CSMD1: variants seen among roughly 807,000 people sequenced by gnomAD.
The protein encoded by CSMD1 is CUB and sushi domain-containing protein 1.
Under a neutral mutation model 417.5 loss-of-function variants are expected in CSMD1, and 213 were observed. The ratio of observed to expected loss-of-function variants is 0.51; its 90% confidence interval spans 0.46 to 0.57. CSMD1 has a LOEUF of 0.57. CSMD1 is among the 20% of genes least tolerant of loss of function. The pLI, the probability that CSMD1 is intolerant of heterozygous loss-of-function variation, is 0.00. For missense variants in CSMD1, 6,923 were observed against 4,529.7 expected, an observed-to-expected ratio of 1.53 and a Z score of -15.17; for synonymous variants, 2,862 against 1,736.8, an observed-to-expected ratio of 1.65 and a Z score of -16.11.
intron 1 of CSMD1, among the ~76,000 whole-genome samples, chr8:4,800,803 G>C (rs757517263): frequency 6.6e-6 from 1 of 152,216 alleles, no homozygotes; most frequent in Non-Finnish European, 1.5e-5. Flanking sequence ...TCGGGACCTG[G>C]GGAGGGCACC....
intron 26 of CSMD1, among the ~76,000 whole-genome samples, chr8:3,241,870 A>C (rs1366329120): frequency 6.6e-6 from 1 of 151,952 alleles, no homozygotes; most frequent in Admixed American, 6.6e-5. Context: ...GACGTTAATT[A>C]AGTCCTGTTG....
intron 26 of CSMD1, among the ~76,000 whole-genome samples, chr8:3,252,210 G>A (rs906374951): frequency 6.6e-6 from 1 of 152,096 alleles, no homozygotes; most frequent in Admixed American, 6.5e-5. Flanking sequence ...GTCATAGATA[G>A]CTCTTATTAT....
At chr8:3,202,477 A>G (rs1221619706) in intron 31 of CSMD1, among the ~76,000 whole-genome samples, 1 of 152,198 alleles carries the variant, frequency 6.6e-6, no homozygotes, top group African/African-American at 2.4e-5. Context: ...ACATAACTAC[A>G]TGCTTTGTGA....
chr8:4,012,062 G>T (rs549673796), intron 4 of CSMD1, among the ~76,000 whole-genome samples: 4 of 152,058 alleles, frequency 2.6e-5, no homozygotes, highest in Non-Finnish European at 4.4e-5. Context: ...TACAGATGCA[G>T]CCATCATATG....
chr8:3,228,456 G>C (rs576922185), intron 27 of CSMD1, among the ~76,000 whole-genome samples: 1 of 152,228 alleles, frequency 6.6e-6, no homozygotes, highest in South Asian at 2.1e-4. Context: ...GCATGTAGGC[G>C]GGTCTGGTTG....
chr8:3,949,354 C>A (rs1305917629), intron 5 of CSMD1, among the ~76,000 whole-genome samples: 1 of 152,150 alleles, frequency 6.6e-6, no homozygotes, highest in Non-Finnish European at 1.5e-5. Context: ...CTCCCCAACA[C>A]CTCAATCTCA....
intron 3 of CSMD1, among the ~76,000 whole-genome samples, chr8:4,106,743 AAC>A (rs1193035460): frequency 6.6e-6 from 1 of 152,168 alleles, no homozygotes; most frequent in African/African-American, 2.4e-5. Flanking sequence ...TAAGTTCAAC[AAC>A]AGACCCCGCA....
At chr8:4,370,465 T>C (rs144916536) in intron 3 of CSMD1, among the ~76,000 whole-genome samples, 174 of 152,308 alleles carry the variant, frequency 1.1e-3, no homozygotes, top group Middle Eastern at 0.01. Context: ...TCTGAATTTC[T>C]TGCATTTGCA....
intron 3 of CSMD1, among the ~76,000 whole-genome samples, chr8:4,055,402 A>G (rs911946166): frequency 2.0e-5 from 3 of 152,208 alleles, no homozygotes; most frequent in African/African-American, 7.2e-5. Flanking sequence ...AATCCAATAC[A>G]TATTTTAAAC....
intron 1 of CSMD1, among the ~76,000 whole-genome samples, chr8:4,800,794 C>A (rs983780786): frequency 6.6e-6 from 1 of 152,190 alleles, no homozygotes; most frequent in Non-Finnish European, 1.5e-5. Flanking sequence ...AGGTGGGTTT[C>A]GGGACCTGGG....
intron 1 of CSMD1, among the ~76,000 whole-genome samples, chr8:4,804,277 C>A (rs914301924): frequency 6.6e-6 from 1 of 152,088 alleles, no homozygotes; most frequent in South Asian, 2.1e-4. Flanking sequence ...ATTATTGAAG[C>A]TGGAAAACCA....
chr8:2,947,266 T>A (rs1802310552), intron 68 of CSMD1, among the ~76,000 whole-genome samples: 1 of 152,226 alleles, frequency 6.6e-6, no homozygotes, highest in Non-Finnish European at 1.5e-5. Context: ...TTCAAATTAA[T>A]TTTATTTTAG....
At chr8:3,640,576 T>C (rs755674491) in intron 7 of CSMD1, among the ~76,000 whole-genome samples, 10 of 152,202 alleles carry the variant, frequency 6.6e-5, no homozygotes, top group Non-Finnish European at 8.8e-5. Context: ...AGAGAAAATA[T>C]ATTTTCTCTG....
At chr8:3,547,636 G>A (rs144383221) in intron 10 of CSMD1, among the ~76,000 whole-genome samples, 424 of 152,142 alleles carry the variant, frequency 2.8e-3, no homozygotes, top group African/African-American at 9.8e-3. Context: ...TGTTAATAAA[G>A]TGGGTTTGTA....
rs1265274846 is a variant in CSMD1, at chr8:2,938,749, G to C, written c.10536-5C>G. On this transcript the variant is annotated splice_region_variant and splice_polypyrimidine_tract_variant and intron_variant, in intron 69 of 69. Coordinates refer to ENST00000635120, the MANE Select transcript of CSMD1 (RefSeq NM_033225.6). ...TATTGAACTTTTGGTCTCGTTCTAA[G>C]GAAAACAGAAAACAAATCATTAGAA... 3.8e-6 allele frequency: 6 copies of C among 1,597,444 alleles called. No individual in the cohort carries two copies. Among genetic ancestry groups the C allele is most frequent in the Non-Finnish European group, 5.1e-6 (6 of 1,171,024 alleles).
chr8:4,683,517 A>G (rs1365027236), intron 1 of CSMD1, among the ~76,000 whole-genome samples: 1 of 152,152 alleles, frequency 6.6e-6, no homozygotes, highest in East Asian at 1.9e-4. Flanking sequence ...CATCTCTGTA[A>G]GGGATTGTGC....
At chr8:3,502,241 T>G (rs1391672427) in intron 10 of CSMD1, among the ~76,000 whole-genome samples, 1 of 151,120 alleles carries the variant, frequency 6.6e-6, no homozygotes, top group Non-Finnish European at 1.5e-5. Flanking sequence ...GGTGGGCGCC[T>G]GTAGTCCCAG....
At chr8:3,923,843 A>T (rs1176547397) in intron 5 of CSMD1, among the ~76,000 whole-genome samples, 1 of 152,202 alleles carries the variant, frequency 6.6e-6, no homozygotes, top group African/African-American at 2.4e-5. Flanking sequence ...TACATTCCAT[A>T]GATAAGTGAA....
chr8:2,955,790 T>C (rs750621926), intron 63 of CSMD1, 22 bp from the exon 64 acceptor site: 67 of 1,606,314 alleles, frequency 4.2e-5, no homozygotes, highest in African/African-American at 6.7e-5. Flanking sequence ...TTAGGAAACA[T>C]TGAGACTTTG....
Sources: allele counts gnomAD v4.1 joint callset (sites outside exome capture counted in the v4.1 genomes callset), GRCh38; gene constraint gnomAD v4.1.1; transcripts MANE v1.5; gene names NCBI Gene and HGNC (gene_info 2026-07-23, HGNC 2026-07-21).